The following LRRC43 variants were observed in gnomAD, a reference collection of about 807,000 sequenced individuals.
LRRC43 encodes the protein leucine rich repeat containing 43.
A neutral mutation model predicts 64.3 loss-of-function variants in LRRC43; 62 were observed. That is an observed-to-expected ratio of 0.96 (90% CI 0.79 to 1.19). LRRC43 has a LOEUF of 1.19. Ranked by LOEUF, LRRC43 falls within the 50% of genes most tolerant of loss-of-function variation. The pLI is 0.00. For missense variants in LRRC43, 868 were observed against 845.0 expected, an observed-to-expected ratio of 1.03 and a Z score of -0.34; for synonymous variants, 422 against 382.3, an observed-to-expected ratio of 1.10 and a Z score of -1.21.
intron 1 of LRRC43, among the ~76,000 whole-genome samples, chr12:122,173,284 C>T (rs1367870715): frequency 6.6e-6 from 1 of 152,244 alleles, no homozygotes; most frequent in Non-Finnish European, 1.5e-5. Context: ...GTAACAACCT[C>T]TGCCTTTTAT....
Position 122,184,452 on chromosome 12 carries a change from T to C in LRRC43, c.151-67T>C. ...GTCCAGTTTTATGATCTGTTCTGTT[T>C]TGAGAGTTTGGTGTCCTTAAGGGGG... On this transcript the variant is annotated intron_variant, in intron 1 of 11. Transcript: ENST00000339777. The surrounding 1 kb of genome is among the most constrained non-coding windows in gnomAD (Gnocchi z 4.0). 5.1e-6 allele frequency: 8 copies of C among 1,557,312 alleles called. No individual in the cohort carries two copies. The highest frequency in any genetic ancestry group is 7.0e-6 in the Non-Finnish European group (8 of 1,145,702).
chr12:122,178,035 G>A (rs1363118757), intron 1 of LRRC43, among the ~76,000 whole-genome samples: 13 of 151,418 alleles, frequency 8.6e-5, no homozygotes, highest in African/African-American at 3.2e-4. Context: ...ACAGGGTTTT[G>A]CCATGTTGTC....
upstream of LRRC43, among the ~76,000 whole-genome samples, chr12:122,181,423 G>A (rs1953579831): frequency 1.3e-5 from 2 of 150,794 alleles, no homozygotes; most frequent in Non-Finnish European, 3.0e-5. Context: ...GGCGCCTGTA[G>A]TCCCAGCTAC....
At chr12:122,189,926 G>A (rs1311574902) in intron 4 of LRRC43, 6 of 631,746 alleles carry the variant, frequency 9.5e-6, no homozygotes, top group African/African-American at 1.8e-5. Flanking sequence ...AACTGTGAGG[G>A]TGGCAGTGCT....
upstream of LRRC43, chr12:122,182,962 C>CT: frequency 9.8e-7 from 1 of 1,020,124 alleles, no homozygotes; most frequent in Non-Finnish European, 1.3e-6. Flanking sequence ...AGCTGCCGCA[C>CT]TTAGAACCAC....
chr12:122,175,855 C>T (rs1413644701), intron 1 of LRRC43, among the ~76,000 whole-genome samples: 4 of 151,796 alleles, frequency 2.6e-5, no homozygotes, highest in Non-Finnish European at 4.4e-5. Context: ...TTAGTAGAGA[C>T]GGGGTTTCAC....
chr12:122,177,091 AT>A (rs1356055618), intron 1 of LRRC43, among the ~76,000 whole-genome samples: 1 of 152,160 alleles, frequency 6.6e-6, no homozygotes, highest in Admixed American at 6.6e-5. Context: ...TACTGCCATA[AT>A]TATGTTGCAT....
chr12:122,196,133 C>T (rs1004328916), intron 7 of LRRC43, among the ~76,000 whole-genome samples: 5 of 152,180 alleles, frequency 3.3e-5, no homozygotes, highest in African/African-American at 9.7e-5. Context: ...CTCTTCAGCA[C>T]CTTCAACAGA....
At chr12:122,198,699 G>A (rs1046784314) in intron 7 of LRRC43, among the ~76,000 whole-genome samples, 16 of 142,006 alleles carry the variant, frequency 1.1e-4, no homozygotes, top group Non-Finnish European at 2.4e-4. Flanking sequence ...GTGCGATCTC[G>A]GCTCACTGCA....
intron 1 of LRRC43, among the ~76,000 whole-genome samples, chr12:122,175,675 T>G (rs1953531390): frequency 6.6e-6 from 1 of 151,724 alleles, no homozygotes; most frequent in East Asian, 1.9e-4. Context: ...ATTTTTTTTT[T>G]TCTTTTTTGA....
At position 122,184,106 on chromosome 12, in the gene LRRC43, T is replaced by C. The variant is rs930194784; in HGVS notation, c.151-413T>C. Among the ~76,000 whole-genome samples, 1 of 151,738 alleles carries C rather than the reference T, an allele frequency of 6.6e-6. No individual in the cohort carries two copies. Among genetic ancestry groups the C allele is most frequent in the Non-Finnish European group, 1.5e-5 (1 of 67,846 alleles). Reference sequence around the variant, plus strand: ...TATTCACTGTCTAGATTTTTTTTTTTTTTTTTGAGACGGAGTCTCGCTCTG... The same window carrying C: ...TATTCACTGTCTAGATTTTTTTTTTCTTTTTTGAGACGGAGTCTCGCTCTG... On this transcript the variant is annotated intron_variant, in intron 1 of 11. Transcript: ENST00000339777. The surrounding 1 kb of genome is among the most constrained non-coding windows in gnomAD (Gnocchi z 4.0).
At chr12:122,169,117 C>T (rs1013023889) in intron 1 of LRRC43, among the ~76,000 whole-genome samples, 18 of 152,114 alleles carry the variant, frequency 1.2e-4, no homozygotes, top group Non-Finnish European at 2.2e-4. Flanking sequence ...TGCCACCTTA[C>T]CGTATTCCCT....
upstream of LRRC43, chr12:122,182,886 C>T: frequency 1.9e-6 from 1 of 523,482 alleles, no homozygotes; most frequent in Non-Finnish European, 3.3e-6. Context: ...TATAGGATGA[C>T]TTTCCGTGGG....
chr12:122,169,585 G>T (rs187155251), intron 1 of LRRC43, among the ~76,000 whole-genome samples: 96 of 151,792 alleles, frequency 6.3e-4, no homozygotes, highest in African/African-American at 2.1e-3. Flanking sequence ...GCGTGGTGGC[G>T]GGCGCCTGTA....
chr12:122,198,606 G>A (rs1056656221), intron 7 of LRRC43, among the ~76,000 whole-genome samples: 3 of 144,670 alleles, frequency 2.1e-5, no homozygotes, highest in Middle Eastern at 3.8e-3. Context: ...GGTGTAATAA[G>A]TATCAGTGCT....
intron 1 of LRRC43, chr12:122,172,879 G>A: frequency 1.4e-6 from 1 of 707,246 alleles, no homozygotes; most frequent in Non-Finnish European, 2.3e-6. Flanking sequence ...CTATGAGGCT[G>A]TGCCATCACC....
chr12:122,200,983 C>G lies in LRRC43; in HGVS notation c.1809+49C>G, dbSNP rs776378165. 2.0e-6 allele frequency: 3 copies of G among 1,535,496 alleles called. No individual in the cohort carries two copies. Among genetic ancestry groups the G allele is most frequent in the Non-Finnish European group, 2.6e-6 (3 of 1,143,500 alleles). ...CCTCCACCTCTGCCTTCGCCCTCCC[C>G]ATGGGAACCCCGCGGGCAAGCAAGG... On this transcript the variant is annotated intron_variant, in intron 10 of 11. Transcript: ENST00000339777. This position sits in a 1 kb window ranked among gnomAD's most constrained non-coding sequence, Gnocchi z 4.6.
chr12:122,192,310 G>T (rs1304064789), intron 6 of LRRC43, among the ~76,000 whole-genome samples: 2 of 152,008 alleles, frequency 1.3e-5, no homozygotes, highest in African/African-American at 4.8e-5. Flanking sequence ...CTCATTTTTT[G>T]TATTTTTAGT....
In LRRC43 at chr12:122,184,197, C is replaced by T. The variant is rs190578394; in HGVS notation, c.151-322C>T. Among the ~76,000 whole-genome samples the T allele has an allele frequency of 2.0e-3, 296 of 151,440 alleles. 2 individuals are homozygous for T. The highest frequency in any genetic ancestry group is 6.5e-3 in the African/African-American group (268 of 41,250). ...GCAACCTCCGCCTCCCGGGTTCAAA[C>T]GATTCTCCTGCCTTAGCCTCCCGAG... On this transcript the variant is annotated intron_variant, in intron 1 of 11. Transcript: ENST00000339777. This position sits in a 1 kb window ranked among gnomAD's most constrained non-coding sequence, Gnocchi z 4.0.
Sources: gnomAD v4.1 joint callset for allele counts (sites outside exome capture counted in the v4.1 genomes callset) on GRCh38, gnomAD v4.1.1 for gene constraint, Gnocchi (gnomAD v3.1) non-coding constraint, MANE v1.5 for transcripts, NCBI Gene and HGNC (gene_info 2026-07-23, HGNC 2026-07-21) for gene names.